Variants in RORA observed in about 807,000 individuals in gnomAD.
RORA encodes nuclear receptor ROR-alpha.
A neutral mutation model predicts 69.5 loss-of-function variants in RORA; 7 were observed. The ratio of observed to expected loss-of-function variants is 0.10; its 90% confidence interval spans 0.06 to 0.19. RORA has a LOEUF of 0.19. RORA is among the 10% of genes least tolerant of loss of function. RORA has a pLI of 1.00. For missense variants in RORA, 457 were observed against 663.0 expected (o/e 0.69, Z 3.41); for synonymous variants, 261 against 240.8 (o/e 1.08, Z -0.78).
chr15:60,562,436 G>GGT (rs2067592846), intron 2 of RORA, among the ~76,000 whole-genome samples: 1 of 149,886 alleles, frequency 6.7e-6, no homozygotes, highest in Admixed American at 6.6e-5. Context: ...GGGGTTGGGG[G>GGT]GGGGTTGCTT....
intron 5 of RORA, among the ~76,000 whole-genome samples, chr15:60,506,348 G>C (rs1379951363): frequency 6.6e-6 from 1 of 152,164 alleles, no homozygotes; most frequent in African/African-American, 2.4e-5. Context: ...GGATTACTTA[G>C]AATGTGCTAC....
chr15:60,735,038 A>G (rs2140841753), intron 1 of RORA, among the ~76,000 whole-genome samples: 2 of 152,330 alleles, frequency 1.3e-5, no homozygotes, highest in South Asian at 4.1e-4. Flanking sequence ...GCAGTTTACA[A>G]AAGCAAATCT....
intron 1 of RORA, among the ~76,000 whole-genome samples, chr15:61,044,268 C>G (rs755687929): frequency 2.1e-4 from 32 of 152,132 alleles, no homozygotes; most frequent in Non-Finnish European, 3.1e-4. Context: ...GTGAGGAGGC[C>G]ACGTGGCCCT....
intron 1 of RORA, among the ~76,000 whole-genome samples, chr15:61,052,379 CG>C (rs1734358531): frequency 6.6e-6 from 1 of 152,190 alleles, no homozygotes; most frequent in Non-Finnish European, 1.5e-5. Context: ...AAGCCTCATA[CG>C]TAATGCTTTT....
chr15:60,802,818 A>T (rs2072605216), intron 1 of RORA, among the ~76,000 whole-genome samples: 1 of 152,218 alleles, frequency 6.6e-6, no homozygotes, highest in Non-Finnish European at 1.5e-5. Flanking sequence ...CTCAAAAGAT[A>T]AGACACTGAG....
chr15:61,067,285 T>G (rs1166062980), intron 1 of RORA, among the ~76,000 whole-genome samples: 1 of 152,066 alleles, frequency 6.6e-6, no homozygotes, highest in Admixed American at 6.5e-5. Context: ...CTAATTTTTG[T>G]ATTTTTAGTA....
Position 60,497,216 on chromosome 15 carries a change from A to G in RORA, c.*239T>C, listed in dbSNP as rs879819394. The stretch of plus-strand genomic sequence containing the variant: ...ACAGAGGTCAATGATCAAGAAGTCA[A>G]GACAGAAAAAGGGTCCATATCTGTA... On this transcript the variant is annotated 3_prime_UTR_variant, in exon 11 of 11. Transcript: ENST00000335670. 2 of 404,534 alleles carry G rather than the reference A, an allele frequency of 4.9e-6. No homozygotes were observed. The highest frequency in any genetic ancestry group is 8.0e-5 in the Admixed American group (2 of 25,020). The allele number at this position is 404,534 out of a possible 1,614,324, so 25.1% of individuals were successfully genotyped here.
At position 60,497,145 on chromosome 15, in the gene RORA, C is replaced by T. The variant is rs2065187715; in HGVS notation, c.*310G>A. Reference sequence around the variant, plus strand: ...TAGAAAGTCTGTGGGCAGTGAGCTACAAGAAAAGGAAATCCTCCGACTTTA... The same window carrying T: ...TAGAAAGTCTGTGGGCAGTGAGCTATAAGAAAAGGAAATCCTCCGACTTTA... On this transcript the variant is annotated 3_prime_UTR_variant, in exon 11 of 11. Coordinates refer to ENST00000335670, the MANE Select transcript of RORA (RefSeq NM_134261.3). 4.4e-6 allele frequency: 1 copy of T among 228,132 alleles called. No individual in the cohort carries two copies. The highest frequency in any genetic ancestry group is 8.6e-6 in the Non-Finnish European group (1 of 116,404). 14.1% of individuals were successfully genotyped at this position (228,132 alleles called of 1,614,324 possible). A position where few individuals can be genotyped will look rare whatever the true frequency, so the allele number is the denominator to read the frequency against.
intron 2 of RORA, among the ~76,000 whole-genome samples, chr15:60,625,556 A>T (rs2069553236): frequency 6.6e-6 from 1 of 152,248 alleles, no homozygotes; most frequent in African/African-American, 2.4e-5. Context: ...AAAACAAATT[A>T]AAAATTTATT....
At chr15:60,761,819 TA>T (rs2071898079) in intron 1 of RORA, among the ~76,000 whole-genome samples, 3 of 152,290 alleles carry the variant, frequency 2.0e-5, no homozygotes, top group Admixed American at 2.0e-4. Flanking sequence ...GTGGCACACT[TA>T]TGCACGGTTC....
chr15:60,558,222 T>C (rs1462587803), intron 2 of RORA: 12 of 1,605,950 alleles, frequency 7.5e-6, no homozygotes, highest in Non-Finnish European at 1.0e-5. Flanking sequence ...TGGATTCACT[T>C]ACACAGACGC....
In RORA at chr15:60,617,763, C is replaced by G. The variant is rs547051075; in HGVS notation, c.196+60894G>C. Among the ~76,000 whole-genome samples the G allele has an allele frequency of 1.3e-3, 196 of 152,004 alleles. 2 individuals carry two copies. Among genetic ancestry groups the G allele is most frequent in the African/African-American group, 4.5e-3 (188 of 41,460 alleles). On this transcript the variant is annotated intron_variant, in intron 2 of 10. Coordinates refer to ENST00000335670, the MANE Select transcript of RORA (RefSeq NM_134261.3). ...CCTGGTCTTCATTAAGAACTTCAAACCTGGCGATGGGCAGATTTGCCCTGT... is the reference window on the plus strand; with the variant it reads ...CCTGGTCTTCATTAAGAACTTCAAAGCTGGCGATGGGCAGATTTGCCCTGT...
At chr15:61,203,507 G>A (rs1202189107) in intron 1 of RORA, among the ~76,000 whole-genome samples, 2 of 152,134 alleles carry the variant, frequency 1.3e-5, no homozygotes, top group African/African-American at 4.8e-5. Context: ...GAACCATTCT[G>A]AAAGAACCAA....
At chr15:61,141,654 A>G (rs1191151942) in intron 1 of RORA, among the ~76,000 whole-genome samples, 1 of 151,796 alleles carries the variant, frequency 6.6e-6, no homozygotes, top group Non-Finnish European at 1.5e-5. Context: ...TTGATTTCAT[A>G]AGGACAAGAT....
intron 1 of RORA, among the ~76,000 whole-genome samples, chr15:61,148,038 T>C (rs1477803190): frequency 1.3e-5 from 2 of 152,022 alleles, no homozygotes; most frequent in East Asian, 3.9e-4. Context: ...AGGTGGAAAA[T>C]GGCATGAAGG....
intron 1 of RORA, among the ~76,000 whole-genome samples, chr15:60,926,304 C>G (rs1283380567): frequency 1.3e-5 from 2 of 152,204 alleles, no homozygotes; most frequent in African/African-American, 4.8e-5. Context: ...GGAAGGCACC[C>G]TATCTGACCT....
At position 60,752,164 on chromosome 15, in the gene RORA, G is replaced by A. The variant is rs75794335; in HGVS notation, c.167-73478C>T. ...AAAGAAGAGAGAGGGCAGACATCAGGAAAGAACATCAGGCAGAGAGAAGCG... is the reference window on the plus strand; with the variant it reads ...AAAGAAGAGAGAGGGCAGACATCAGAAAAGAACATCAGGCAGAGAGAAGCG... On this transcript the variant is annotated intron_variant, in intron 1 of 10. Coordinates refer to ENST00000335670, the MANE Select transcript of RORA (RefSeq NM_134261.3). Among the ~76,000 whole-genome samples the A allele has an allele frequency of 2.1e-3, 324 of 152,246 alleles. 6 individuals carry two copies. The East Asian group carries it at 0.052, about 25-fold the overall frequency.
chr15:60,960,419 TA>T (rs1417924142), intron 1 of RORA, among the ~76,000 whole-genome samples: 2 of 152,112 alleles, frequency 1.3e-5, no homozygotes. Context: ...GCACTTGAGA[TA>T]GACACAGATT....
At chr15:61,210,588 A>T (rs2079982418) in intron 1 of RORA, among the ~76,000 whole-genome samples, 2 of 152,216 alleles carry the variant, frequency 1.3e-5, no homozygotes, top group African/African-American at 4.8e-5. Context: ...AAAAAGGCAA[A>T]AAGAGAAAGG....
Sources: allele counts gnomAD v4.1 joint callset (sites outside exome capture counted in the v4.1 genomes callset), GRCh38; gene constraint gnomAD v4.1.1; transcripts MANE v1.5; gene names NCBI Gene and HGNC (gene_info 2026-07-23, HGNC 2026-07-21).